The following TTN variants were observed in gnomAD, a reference collection of about 807,000 sequenced individuals.
TTN encodes titin.
Under a neutral mutation model 3,223.0 loss-of-function variants are expected in TTN, and 1,525 were observed. That is an observed-to-expected ratio of 0.47 (90% CI 0.45 to 0.49). The LOEUF (loss-of-function observed/expected upper bound fraction) is 0.49. TTN is among the 20% of genes least tolerant of loss of function. The pLI, the probability that TTN is intolerant of heterozygous loss-of-function variation, is 0.00. For synonymous variants in TTN, 14,094 were observed against 15,161.0 expected (o/e 0.93, Z 5.17); for missense variants, 40,786 against 43,424.0 (o/e 0.94, Z 5.40).
chr2:178,530,473 C>A lies in TTN; in HGVS notation c.106142G>T (p.Ser35381Ile). The change falls in exon 358 of 363, where the codon AGT becomes ATT. Residue 35381 changes from serine to isoleucine, a missense_variant. By Grantham distance (142) the Ser-to-Ile change is moderately radical. Transcript: ENST00000589042. ...TATTTTTGATACCTTCTCATGGATA[C>A]TCTTAAAGGCTTGCCCCATAAATTG... ...NLQFMGQAFK[S>I]IHEKVSKISE... 1 of 1,613,992 alleles carries A rather than the reference C, an allele frequency of 6.2e-7. No homozygotes were observed. The highest frequency in any genetic ancestry group is 8.5e-7 in the Non-Finnish European group (1 of 1,179,888).
In TTN at chr2:178,573,576, T is replaced by C. The variant is rs768699380; in HGVS notation, c.72556A>G (p.Lys24186Glu). 17 of 1,497,840 alleles carry C rather than the reference T, an allele frequency of 1.1e-5. No homozygotes were observed. The African/African-American group carries it at 2.4e-4, about 21-fold the overall frequency. 92.8% of individuals were successfully genotyped at this position (1,497,840 alleles called of 1,614,324 possible). Reference protein sequence around the residue: ...EVQVTKLKVTKLLKGNEYIFR... With the variant: ...EVQVTKLKVTELLKGNEYIFR... ...ATGTATTCATTGCCTTTCAAGAGTT[T>C]AGTGACCTTTAGCTTTGTTACTTGG... is the stretch of plus-strand genomic sequence containing the variant. The change falls in exon 326 of 363, where the codon AAA becomes GAA. Residue 24186 changes from lysine to glutamate, a missense_variant. Transcript: ENST00000589042.
intron 273 of TTN, 84 bp from the exon 274 acceptor site, chr2:178,608,992 G>C (rs931870843): frequency 2.7e-6 from 4 of 1,496,304 alleles, no homozygotes; most frequent in Admixed American, 2.1e-5. Context: ...ATGCTCCTCT[G>C]ACATGATTTG....
In TTN at chr2:178,585,254, G is replaced by A. The variant is rs1236376736; in HGVS notation, c.64490C>T (p.Thr21497Ile). ...ATCTTCTCCTTTTTTCCATTTACAG[G>A]TGGGATGAGGCTTTCCATACACATG... ...EAHVYGKPHP[T>I]CKWKKGEDEV... Residue 21497 changes from threonine to isoleucine, a missense_variant, in exon 309 of 363, where the codon ACC (threonine) becomes ATC (isoleucine). Physicochemically the swap from Thr to Ile is moderately conservative, Grantham distance 89 (BLOSUM62 -1). Transcript: ENST00000589042. The A allele has an allele frequency of 1.2e-6, 2 of 1,613,220 alleles. No individual in the cohort carries two copies. Among genetic ancestry groups the A allele is most frequent in the Non-Finnish European group, 1.7e-6 (2 of 1,179,424 alleles).
In TTN at chr2:178,526,286, A is replaced by C. The variant is rs1686388885; in HGVS notation, c.*726T>G. The C allele has an allele frequency of 6.6e-6, 1 of 152,662 alleles. No homozygotes were observed. Among genetic ancestry groups the C allele is most frequent in the African/African-American group, 2.4e-5 (1 of 41,462 alleles). 9.5% of individuals were successfully genotyped at this position (152,662 alleles called of 1,614,324 possible). On this transcript the variant is annotated 3_prime_UTR_variant, in exon 363 of 363. Coordinates refer to ENST00000589042, the MANE Select transcript of TTN (RefSeq NM_001267550.2). ...CTCCAAGAGTTGGCACTGCTCTGGCATAGGAATACTTGAATAGCTTGGTTA... is the reference window on the plus strand; with the variant it reads ...CTCCAAGAGTTGGCACTGCTCTGGCCTAGGAATACTTGAATAGCTTGGTTA...
chr2:178,803,325 A>G (rs2094156783), intron 2 of TTN, among the ~76,000 whole-genome samples: 1 of 152,190 alleles, frequency 6.6e-6, no homozygotes, highest in Non-Finnish European at 1.5e-5. Flanking sequence ...TGAAGTAGCC[A>G]GATTCCACTA....
Position 178,593,073 on chromosome 2 carries a change from A to T in TTN, c.59046T>A (p.Ser19682Arg), listed in dbSNP as rs1481744095. ...VFAKDPIAKP[S>R]PPVNPEAIDT... ...CTATTGCTTCAGGATTAACAGGTGG[A>T]CTTGGTTTAGCTAAAAAATAAAAGT... is the stretch of plus-strand genomic sequence containing the variant. The change falls in exon 300 of 363, where the codon AGT (serine) becomes AGA (arginine). Residue 19682 changes from serine to arginine, a missense_variant. Transcript: ENST00000589042. The T allele has an allele frequency of 1.2e-6, 2 of 1,612,518 alleles. No homozygotes were observed. The highest frequency in any genetic ancestry group is 3.3e-5 in the Admixed American group (2 of 59,782).
chr2:178,565,816 A>G lies in TTN; in HGVS notation c.80316T>C (p.Val26772=), dbSNP rs1366562862. ...GAGGTTCAGCAGCTTTCACGGCATCAACAGTTTCCACTGGAACACCAACTC... is the reference window on the plus strand; with the variant it reads ...GAGGTTCAGCAGCTTTCACGGCATCGACAGTTTCCACTGGAACACCAACTC... ...EFGVGVPVET[V]DAVKAAEPPS... Residue 26772 remains valine, a synonymous_variant, in exon 326 of 363, where the codon GTT becomes GTC. Transcript: ENST00000589042. The G allele has an allele frequency of 6.2e-7, 1 of 1,613,648 alleles. No homozygotes were observed. The highest frequency in any genetic ancestry group is 1.7e-5 in the Admixed American group (1 of 59,990).
At position 178,575,762 on chromosome 2, in the gene TTN, T is replaced by A. The variant is rs535816123; in HGVS notation, c.70370A>T (p.Asp23457Val). The A allele has an allele frequency of 7.4e-6, 12 of 1,613,382 alleles. No homozygotes were observed. The Admixed American group carries it at 1.7e-4, about 22-fold the overall frequency. Reference protein sequence around the residue: ...ITKDSVTLHWDLPLIDGGSRI... With the variant: ...ITKDSVTLHWVLPLIDGGSRI... The stretch of plus-strand genomic sequence containing the variant: ...TGAGCCTCCATCTATCAGAGGGAGG[T>A]CCCAGTGCAGGGTGACACTGTCCTT... Residue 23457 changes from aspartate (D) to valine (V), a missense_variant, in exon 326 of 363, where the codon GAC (aspartate) becomes GTC (valine). By Grantham distance (152) the Asp-to-Val change is radical (BLOSUM62 -3). Coordinates refer to ENST00000589042, the MANE Select transcript of TTN (RefSeq NM_001267550.2). This position sits in a 1 kb window ranked among gnomAD's most constrained non-coding sequence, Gnocchi z 4.0.
intron 43 of TTN, among the ~76,000 whole-genome samples, chr2:178,761,826 T>G (rs2089281499): frequency 6.6e-6 from 1 of 152,152 alleles, no homozygotes; most frequent in Non-Finnish European, 1.5e-5. Context: ...ACAGACAATA[T>G]CATTGTTAAA....
Position 178,776,954 on chromosome 2 carries a change from C to T in TTN, c.4910G>A (p.Gly1637Asp). 2 of 1,613,874 alleles carry T rather than the reference C, an allele frequency of 1.2e-6. No individual in the cohort carries two copies. The highest frequency in any genetic ancestry group is 2.2e-5 in the South Asian group (2 of 91,042). ...TACTTTGCATCTTGTAGTGTCTCTG[C>T]CAGCTTTATTAATAGCAGTCGCAGT... ...WYTATAINKA[G>D]RDTTRCKVNV... The change falls in exon 28 of 363, where the codon GGC becomes GAC. Residue 1637 changes from glycine (G) to aspartate (D), a missense_variant. Physicochemically the swap from Gly to Asp is moderately conservative, Grantham distance 94. Transcript: ENST00000589042.
intron 142 of TTN, 118 bp from the exon 143 acceptor site, chr2:178,678,948 G>C (rs2068712149): frequency 1.2e-6 from 1 of 818,104 alleles, no homozygotes; most frequent in African/African-American, 1.8e-5. Flanking sequence ...TTCACTTTAA[G>C]ACTGAAAATT....
intron 92 of TTN, 127 bp from the exon 93 acceptor site, chr2:178,713,499 G>C: frequency 7.2e-7 from 1 of 1,379,760 alleles, no homozygotes; most frequent in Non-Finnish European, 9.5e-7. Context: ...GCTCTTTTGT[G>C]ACGGTATTAA....
chr2:178,601,962 T>C (rs1470566592), intron 284 of TTN, 40 bp downstream of exon 284: 3 of 1,612,620 alleles, frequency 1.9e-6, no homozygotes, highest in African/African-American at 1.3e-5. Flanking sequence ...CTCCTTATAG[T>C]GATTCAGTGG....
intron 202 of TTN, 37 bp from the exon 203 acceptor site, chr2:178,652,384 T>C (rs2063178962): frequency 6.2e-7 from 1 of 1,613,328 alleles, no homozygotes; most frequent in Non-Finnish European, 8.5e-7. Context: ...TTAGGCATTA[T>C]GAAGACCACT....
In TTN at chr2:178,544,247, G is replaced by T. The variant is rs761895710; in HGVS notation, c.95982C>A (p.Ser31994Arg). ...TTTCAGCAATTGATTCGCTGTATTC[G>T]CTCATACCCTTCACGTTCACGGCAG... ...RVAAVNVKGM[S>R]EYSESIAEIE... The change falls in exon 345 of 363, where the codon AGC becomes AGA. Residue 31994 changes from serine to arginine, a missense_variant. Ser to Arg is a moderately radical substitution (Grantham distance 110, BLOSUM62 -1). Transcript: ENST00000589042. The T allele has an allele frequency of 1.2e-6, 2 of 1,613,640 alleles. No homozygotes were observed. The highest frequency in any genetic ancestry group is 1.1e-5 in the South Asian group (1 of 91,078).
Position 178,720,546 on chromosome 2 carries a change from C to T in TTN, c.23216G>A (p.Arg7739Gln), listed in dbSNP as rs749882000. Reference protein sequence around the residue: ...PPFEVVWVKDRKQVRNSKKFK... With the variant: ...PPFEVVWVKDQKQVRNSKKFK... ...TTTCTTGCTGTTTCTAACCTGCTTT[C>T]GATCTTTAACCCATACTACTTCAAA... is the stretch of plus-strand genomic sequence containing the variant. The change falls in exon 80 of 363, where the codon CGA (arginine) becomes CAA (glutamine). Residue 7739 changes from arginine to glutamine, a missense_variant. Coordinates refer to ENST00000589042, the MANE Select transcript of TTN (RefSeq NM_001267550.2). 1.2e-5 allele frequency: 19 copies of T among 1,613,398 alleles called. No homozygotes were observed. The highest frequency in any genetic ancestry group is 8.0e-5 in the African/African-American group (6 of 75,002).
intron 257 of TTN, 127 bp from the exon 258 acceptor site, chr2:178,615,915 A>C (rs2057250655): frequency 9.1e-7 from 1 of 1,097,432 alleles, no homozygotes. Context: ...TCTTACATTA[A>C]TTTCATATTA....
intron 273 of TTN, 79 bp from the exon 274 acceptor site, chr2:178,608,987 C>T (rs2055614163): frequency 2.1e-5 from 31 of 1,509,034 alleles, no homozygotes; most frequent in Admixed American, 4.1e-5. Flanking sequence ...TGAGCATGCT[C>T]CTCTGACATG....
In TTN at chr2:178,546,386, A is replaced by G. The variant is rs1697138621; in HGVS notation, c.94945T>C (p.Trp31649Arg). Residue 31649 changes from tryptophan to arginine, a missense_variant, in exon 342 of 363, where the codon TGG becomes CGG. Transcript: ENST00000589042. Reference protein sequence around the residue: ...VGGKPEPKIIWTKGDKELDLC... With the variant: ...VGGKPEPKIIRTKGDKELDLC... The stretch of plus-strand genomic sequence containing the variant: ...TCTAGCTCCTTGTCTCCTTTGGTCC[A>G]GATAATTTTGGGTTCAGGTTTGCCA... 1 of 1,613,666 alleles carries G rather than the reference A, an allele frequency of 6.2e-7. No homozygotes were observed. Among genetic ancestry groups the G allele is most frequent in the Non-Finnish European group, 8.5e-7 (1 of 1,179,772 alleles).
Sources: allele counts gnomAD v4.1 joint callset (sites outside exome capture counted in the v4.1 genomes callset), GRCh38; gene constraint gnomAD v4.1.1; non-coding constraint Gnocchi (gnomAD v3.1); transcripts MANE v1.5; gene names NCBI Gene and HGNC (gene_info 2026-07-23, HGNC 2026-07-21).